Variants in TTYH2 observed in about 807,000 individuals in gnomAD.
TTYH2 encodes protein tweety homolog 2.
Under a neutral mutation model 68.3 loss-of-function variants are expected in TTYH2, and 49 were observed. That is an observed-to-expected ratio of 0.72 (90% CI 0.57 to 0.91). TTYH2 has a LOEUF of 0.91. Among genes scored for constraint, TTYH2 ranks in the 40% least tolerant of loss-of-function variants. The pLI is 0.00. For missense variants in TTYH2, 631 were observed against 700.4 expected (o/e 0.90, Z 1.12); for synonymous variants, 272 against 300.8 (o/e 0.90, Z 0.99).
In TTYH2 at chr17:74,222,801, T is replaced by TC. The variant is rs5822030; in HGVS notation, c.302+144_302+145insC. 2,052 of 986,574 alleles carry TC rather than the reference T, an allele frequency of 2.1e-3. 21 individuals are homozygous for TC. In the African/African-American group the frequency reaches 0.03, roughly 14 times the overall value. 61.1% of individuals were successfully genotyped at this position (986,574 alleles called of 1,614,324 possible). ...TGAATGTTGTCCCTTTTTTTTTTTTTACCAAGCATCAGGAATCAGATGCCT... is the reference window on the plus strand; with the variant it reads ...TGAATGTTGTCCCTTTTTTTTTTTTTCACCAAGCATCAGGAATCAGATGCCT... On this transcript the variant is annotated intron_variant, in intron 2 of 13. Coordinates refer to ENST00000269346, the MANE Select transcript of TTYH2 (RefSeq NM_032646.6). The surrounding 1 kb of genome is among the most constrained non-coding windows in gnomAD (Gnocchi z 5.2).
At position 74,245,385 on chromosome 17, in the gene TTYH2, C is replaced by T. The variant is rs543524089; in HGVS notation, c.804+1336C>T. ...AGCCTCTCCTCTGGGGCCAGGGCCA[C>T]GCACAGGGAAGCTGCAGGGAGCACA... On this transcript the variant is annotated intron_variant, in intron 6 of 13. Coordinates refer to ENST00000269346, the MANE Select transcript of TTYH2 (RefSeq NM_032646.6). 5.3e-4 allele frequency among the ~76,000 whole-genome samples: 81 copies of T among 152,382 alleles called. 2 individuals are homozygous for T. In the Middle Eastern group the frequency reaches 0.024, roughly 45 times the overall value.
Position 74,252,336 on chromosome 17 carries a change from A to T in TTYH2, c.1219A>T (p.Ile407Phe), listed in dbSNP as rs149359540. 1 of 1,613,754 alleles carries T rather than the reference A, an allele frequency of 6.2e-7. No homozygotes were observed. The highest frequency in any genetic ancestry group is 8.5e-7 in the Non-Finnish European group (1 of 1,180,016). ...FLAALAFSTM[I>F]CAGPRAWKHF... is the part of the protein sequence containing the mutation. ...GGCCGCCCTCGCCTTCTCCACCATG[A>T]TCTGTGCAGGGCCAAGGGCCTGGAA... The change falls in exon 11 of 14, where the codon ATC (isoleucine) becomes TTC (phenylalanine). Residue 407 changes from isoleucine to phenylalanine, a missense_variant. Ile to Phe is a conservative substitution (Grantham distance 21, BLOSUM62 0). Coordinates refer to ENST00000269346, the MANE Select transcript of TTYH2 (RefSeq NM_032646.6).
At position 74,222,611 on chromosome 17, in the gene TTYH2, T is replaced by G; in HGVS notation, c.256T>G (p.Ser86Ala). ...TGCGGTGCAGACCAAGCAGCACCAC[T>G]CCTGCTGCATCACCTGGACGGCCGT... Reference protein sequence around the residue: ...DDAVQTKQHHSCCITWTAVVA... With the variant: ...DDAVQTKQHHACCITWTAVVA... The change falls in exon 2 of 14, where the codon TCC becomes GCC. Residue 86 changes from serine (S) to alanine (A), a missense_variant. Physicochemically the swap from Ser to Ala is moderately conservative, Grantham distance 99. Coordinates refer to ENST00000269346, the MANE Select transcript of TTYH2 (RefSeq NM_032646.6). The surrounding 1 kb of genome is among the most constrained non-coding windows in gnomAD (Gnocchi z 5.2). 2 of 1,611,810 alleles carry G rather than the reference T, an allele frequency of 1.2e-6. No individual in the cohort carries two copies. The highest frequency in any genetic ancestry group is 2.2e-5 in the South Asian group (2 of 91,074).
In TTYH2 at chr17:74,253,643, T is replaced by C. The variant is rs1026547760; in HGVS notation, c.1446-112T>C. The C allele has an allele frequency of 6.0e-6, 6 of 999,924 alleles. No individual in the cohort carries two copies. The Admixed American group carries it at 7.1e-5, about 12-fold the overall frequency. The allele number at this position is 999,924 out of a possible 1,614,324, so 61.9% of individuals were successfully genotyped here. On this transcript the variant is annotated intron_variant, in intron 12 of 13. Coordinates refer to ENST00000269346, the MANE Select transcript of TTYH2 (RefSeq NM_032646.6). ...CACCCCCTCCACTCTATCTGTGGTT[T>C]GGTTCCATCCCCCACCTCCCATGTG... is the stretch of plus-strand genomic sequence containing the variant.
chr17:74,217,463 G>A lies in TTYH2; in HGVS notation c.129+3747G>A, dbSNP rs186839111. Among the ~76,000 whole-genome samples, 4 of 152,344 alleles carry A rather than the reference G, an allele frequency of 2.6e-5. No homozygotes were observed. In the East Asian group the frequency reaches 7.7e-4, roughly 29 times the overall value. ...TACAGGACTTCCTGCTTCTGACCTGGGGGCAGGTCTGAGGAAGAAGGACCA... is the reference window on the plus strand; with the variant it reads ...TACAGGACTTCCTGCTTCTGACCTGAGGGCAGGTCTGAGGAAGAAGGACCA... On this transcript the variant is annotated intron_variant, in intron 1 of 13. Coordinates refer to ENST00000269346, the MANE Select transcript of TTYH2 (RefSeq NM_032646.6). The surrounding 1 kb of genome is among the most constrained non-coding windows in gnomAD (Gnocchi z 4.0).
intron 6 of TTYH2, chr17:74,248,450 T>C (rs543747339): frequency 5.1e-6 from 5 of 987,564 alleles, no homozygotes; most frequent in Non-Finnish European, 6.0e-6. Context: ...TCCCACCCCA[T>C]GTCTTGGCAG....
At chr17:74,243,556 G>C (rs1180513626) in intron 5 of TTYH2, 87 bp downstream of exon 5, 1 of 1,458,746 alleles carries the variant, frequency 6.9e-7, no homozygotes, top group Non-Finnish European at 9.6e-7. Context: ...CAGCTCCAGA[G>C]TGTGGGGAAA....
chr17:74,258,519 G>T (rs1006836418), intron 13 of TTYH2, among the ~76,000 whole-genome samples: 1 of 152,012 alleles, frequency 6.6e-6, no homozygotes, highest in Admixed American at 6.6e-5. Flanking sequence ...CACCTGTCTC[G>T]GCTTCCCAAA....
At chr17:74,245,472 G>A (rs532112448) in intron 6 of TTYH2, among the ~76,000 whole-genome samples, 3 of 152,352 alleles carry the variant, frequency 2.0e-5, no homozygotes, top group South Asian at 2.1e-4. Context: ...TGGAGGCAGC[G>A]GTGGCTTCCA....
chr17:74,249,412 G>C lies in TTYH2; in HGVS notation c.930+13G>C. 1 of 1,613,278 alleles carries C rather than the reference G, an allele frequency of 6.2e-7. No homozygotes were observed. Among genetic ancestry groups the C allele is most frequent in the Non-Finnish European group, 8.5e-7 (1 of 1,179,962 alleles). ...CCCCTTCCAGCAGGTATGGCCCCCC[G>C]AGGCCTGCCCTCACCCTGCCCACAG... On this transcript the variant is annotated intron_variant, in intron 8 of 13. Transcript: ENST00000269346.
At chr17:74,244,348 C>T (rs975964025) in intron 6 of TTYH2, among the ~76,000 whole-genome samples, 1 of 152,172 alleles carries the variant, frequency 6.6e-6, no homozygotes, top group Non-Finnish European at 1.5e-5. Context: ...TAGGCTTAGG[C>T]GTGCCTGGGT....
intron 4 of TTYH2, 123 bp downstream of exon 4, chr17:74,237,637 G>A: frequency 1.2e-6 from 1 of 866,860 alleles, no homozygotes; most frequent in Non-Finnish European, 1.7e-6. Context: ...TTTTTGTTTT[G>A]TTTTTTTAAG....
At position 74,253,332 on chromosome 17, in the gene TTYH2, A is replaced by G. The variant is rs544741890; in HGVS notation, c.1445+66A>G. ...GGACAGCATGTTGGGTGGGGTCCAC[A>G]GTGCCGGGTGTGGGGAGGAAGGCAT... On this transcript the variant is annotated intron_variant, in intron 12 of 13. Transcript: ENST00000269346. 2.2e-5 allele frequency: 33 copies of G among 1,503,780 alleles called. No homozygotes were observed. The African/African-American group carries it at 4.5e-4, about 20-fold the overall frequency. The allele number at this position is 1,503,780 out of a possible 1,614,324, so 93.2% of individuals were successfully genotyped here.
intron 11 of TTYH2, 136 bp from the exon 12 acceptor site, chr17:74,252,945 C>T: frequency 1.2e-6 from 1 of 855,736 alleles, no homozygotes; most frequent in Non-Finnish European, 1.8e-6. Flanking sequence ...CTGGGGACCG[C>T]GTTTTAGAGG....
At chr17:74,227,653 A>C (rs1037180215) in intron 2 of TTYH2, among the ~76,000 whole-genome samples, 1 of 152,176 alleles carries the variant, frequency 6.6e-6, no homozygotes, top group Non-Finnish European at 1.5e-5. Flanking sequence ...ACTCTGGTTG[A>C]ACCCAATGAA....
At position 74,217,798 on chromosome 17, in the gene TTYH2, T is replaced by G. The variant is rs1450397634; in HGVS notation, c.129+4082T>G. ...TGCCATGGTCACTGCGGCCCCCAAC[T>G]TGGGTCCCAGCTTGGCACTCTCCGC... On this transcript the variant is annotated intron_variant, in intron 1 of 13. Transcript: ENST00000269346. This position sits in a 1 kb window ranked among gnomAD's most constrained non-coding sequence, Gnocchi z 4.0. 2.6e-5 allele frequency among the ~76,000 whole-genome samples: 4 copies of G among 152,146 alleles called. No individual in the cohort carries two copies. Among genetic ancestry groups the G allele is most frequent in the Non-Finnish European group, 5.9e-5 (4 of 67,998 alleles).
chr17:74,253,114 C>A lies in TTYH2; in HGVS notation c.1293C>A (p.Asp431Glu). The A allele has an allele frequency of 5.6e-6, 9 of 1,613,588 alleles. No homozygotes were observed. Among genetic ancestry groups the A allele is most frequent in the South Asian group, 1.1e-5 (1 of 91,010 alleles). Residue 431 changes from aspartate to glutamate, a missense_variant, in exon 12 of 14, where the codon GAC becomes GAA. By Grantham distance (45) the Asp-to-Glu change is conservative. Transcript: ENST00000269346. Reference sequence around the variant, plus strand: ...ACTACGATGACATTGATGATGATGACCCCTTTAACCCCCAAGCCTGGCGCA... The same window carrying A: ...ACTACGATGACATTGATGATGATGAACCCTTTAACCCCCAAGCCTGGCGCA... ...NRDYDDIDDD[D>E]PFNPQAWRMA...
intron 5 of TTYH2, 65 bp downstream of exon 5, chr17:74,243,534 C>T (rs1158718439): frequency 8.4e-6 from 13 of 1,549,046 alleles, no homozygotes; most frequent in South Asian, 3.3e-5. Flanking sequence ...CAGAGAGAGA[C>T]GAGGGCCTGG....
intron 2 of TTYH2, among the ~76,000 whole-genome samples, chr17:74,223,811 T>G (rs1040536219): frequency 2.0e-5 from 3 of 152,134 alleles, no homozygotes; most frequent in African/African-American, 7.2e-5. Context: ...TGAGGATGCC[T>G]GGGCTCTCAT....
Sources: gnomAD v4.1 joint callset for allele counts (sites outside exome capture counted in the v4.1 genomes callset) on GRCh38, gnomAD v4.1.1 for gene constraint, Gnocchi (gnomAD v3.1) non-coding constraint, MANE v1.5 for transcripts, NCBI Gene and HGNC (gene_info 2026-07-23, HGNC 2026-07-21) for gene names.